RIMS1: variants seen among roughly 807,000 people sequenced by gnomAD.
RIMS1 encodes regulating synaptic membrane exocytosis 1.
A neutral mutation model predicts 214.1 loss-of-function variants in RIMS1; 83 were observed. The observed-to-expected ratio is 0.39, with a 90% CI of 0.32 to 0.47. The LOEUF (loss-of-function observed/expected upper bound fraction) is 0.47. Among genes scored for constraint, RIMS1 ranks in the 20% least tolerant of loss-of-function variants. The pLI, the probability that RIMS1 is intolerant of heterozygous loss-of-function variation, is 0.99. For synonymous variants in RIMS1, 793 were observed against 786.8 expected (o/e 1.01, Z -0.13); for missense variants, 2,050 against 2,161.8 (o/e 0.95, Z 1.03).
chr6:72,216,690 C>T (rs1285253840), intron 6 of RIMS1: 10 of 985,414 alleles, frequency 1.0e-5, no homozygotes, highest in Non-Finnish European at 1.1e-5. Context: ...CATCTTAATC[C>T]ATGGGTATCC....
At chr6:72,381,325 T>A (rs1026395861) in intron 29 of RIMS1, among the ~76,000 whole-genome samples, 8 of 152,322 alleles carry the variant, frequency 5.3e-5, no homozygotes, top group Middle Eastern at 3.4e-3. Flanking sequence ...AAAGGCCTTT[T>A]CTACAACTAC....
intron 4 of RIMS1, among the ~76,000 whole-genome samples, chr6:72,154,798 C>G (rs1183520990): frequency 7.1e-6 from 1 of 140,580 alleles, no homozygotes. Flanking sequence ...ACTATTTATC[C>G]CATGGGGAAA....
intron 28 of RIMS1, among the ~76,000 whole-genome samples, chr6:72,317,778 G>T (rs1456117717): frequency 6.6e-6 from 1 of 152,024 alleles, no homozygotes; most frequent in Non-Finnish European, 1.5e-5. Flanking sequence ...ACACTGTTCC[G>T]AACTTCAATT....
chr6:72,237,853 C>A lies in RIMS1; in HGVS notation c.1888C>A (p.Arg630=). The A allele has an allele frequency of 6.2e-7, 1 of 1,613,264 alleles. No individual in the cohort carries two copies. Among genetic ancestry groups the A allele is most frequent in the Non-Finnish European group, 8.5e-7 (1 of 1,179,536 alleles). ...VVGGKMTDLG[R]LGAFITKVKK... ...TGGAGGAAAAATGACTGACTTAGGA[C>A]GACTTGGTGCTTTCATCACCAAAGT... Residue 630 remains arginine, a synonymous_variant, in exon 9 of 34, where the codon CGA becomes AGA. Coordinates refer to ENST00000521978, the MANE Select transcript of RIMS1 (RefSeq NM_014989.7).
At chr6:71,925,964 C>T (rs1781459704) in intron 1 of RIMS1, among the ~76,000 whole-genome samples, 1 of 152,158 alleles carries the variant, frequency 6.6e-6, no homozygotes, top group South Asian at 2.1e-4. Flanking sequence ...GATACATTTT[C>T]ATAAAGTGAA....
chr6:71,995,200 T>TGG (rs1803022225), intron 2 of RIMS1, among the ~76,000 whole-genome samples: 1 of 152,150 alleles, frequency 6.6e-6, no homozygotes, highest in African/African-American at 2.4e-5. Context: ...AAGCAGAACT[T>TGG]TAAAAGCTGA....
At chr6:71,899,863 C>T (rs148563460) in intron 1 of RIMS1, among the ~76,000 whole-genome samples, 3 of 152,166 alleles carry the variant, frequency 2.0e-5, no homozygotes, top group Admixed American at 6.6e-5. Flanking sequence ...AGAAAATCAT[C>T]AGAGGGCCAA....
At chr6:72,024,375 ATC>A (rs1815679497) in intron 2 of RIMS1, among the ~76,000 whole-genome samples, 1 of 152,164 alleles carries the variant, frequency 6.6e-6, no homozygotes, top group African/African-American at 2.4e-5. Context: ...TTTACACATC[ATC>A]TCTTAGTCTT....
chr6:72,143,433 G>A (rs2042320020), intron 4 of RIMS1, among the ~76,000 whole-genome samples: 1 of 152,042 alleles, frequency 6.6e-6, no homozygotes, highest in African/African-American at 2.4e-5. Flanking sequence ...CAAAATACTG[G>A]GTTCACAATG....
intron 28 of RIMS1, among the ~76,000 whole-genome samples, chr6:72,318,337 C>T (rs76359241): frequency 0.096 from 14,553 of 151,962 alleles, 813 homozygotes; most frequent in Non-Finnish European, 0.13. Flanking sequence ...CCCTCCATTA[C>T]ACTGGAAATT....
At chr6:72,177,931 AT>A (rs1344446408) in intron 4 of RIMS1, among the ~76,000 whole-genome samples, 2 of 152,256 alleles carry the variant, frequency 1.3e-5, no homozygotes, top group Non-Finnish European at 1.5e-5. Context: ...ATATACCCTT[AT>A]TTGGCTAGCA....
chr6:72,221,649 GA>G (rs1311744279), intron 6 of RIMS1, among the ~76,000 whole-genome samples: 9 of 151,960 alleles, frequency 5.9e-5, no homozygotes, highest in Non-Finnish European at 1.2e-4. Flanking sequence ...TTGAGTTTAG[GA>G]GGTGCTATTG....
intron 4 of RIMS1, among the ~76,000 whole-genome samples, chr6:72,111,762 G>GTC (rs2036137279): frequency 6.6e-6 from 1 of 152,094 alleles, no homozygotes; most frequent in Admixed American, 6.6e-5. Context: ...TCTGGGAGAG[G>GTC]TCTCTCTCTG....
At chr6:72,169,675 G>T (rs529330408) in intron 4 of RIMS1, among the ~76,000 whole-genome samples, 10 of 152,120 alleles carry the variant, frequency 6.6e-5, no homozygotes, top group Non-Finnish European at 2.9e-5. Context: ...AGGCTAAGGC[G>T]GGCAGATTGC....
intron 1 of RIMS1, among the ~76,000 whole-genome samples, chr6:71,913,653 TAAAGA>T (rs1006911933): frequency 6.6e-6 from 1 of 152,008 alleles, no homozygotes; most frequent in African/African-American, 2.4e-5. Context: ...GCAGGAAAAG[TAAAGA>T]AAAGAACACT....
At chr6:72,079,967 T>C (rs551498879) in intron 2 of RIMS1, among the ~76,000 whole-genome samples, 1 of 147,016 alleles carries the variant, frequency 6.8e-6, no homozygotes, top group East Asian at 2.0e-4. Context: ...CTGAGCACGG[T>C]GGCTCATTCC....
intron 29 of RIMS1, among the ~76,000 whole-genome samples, chr6:72,352,427 G>T (rs1341418295): frequency 6.6e-6 from 1 of 152,094 alleles, no homozygotes; most frequent in Non-Finnish European, 1.5e-5. Context: ...TAACTGATAG[G>T]CACAGTATTT....
chr6:72,054,923 G>A (rs1825755221), intron 2 of RIMS1, among the ~76,000 whole-genome samples: 1 of 152,090 alleles, frequency 6.6e-6, no homozygotes, highest in African/African-American at 2.4e-5. Flanking sequence ...AAGCTCTTTA[G>A]TTTAACTAGA....
intron 27 of RIMS1, 55 bp downstream of exon 27, chr6:72,307,425 G>A: frequency 8.8e-7 from 1 of 1,139,408 alleles, no homozygotes; most frequent in East Asian, 2.6e-5. Flanking sequence ...TGTAGTGTGT[G>A]TACCAGGCAG....
Sources: allele counts gnomAD v4.1 joint callset (sites outside exome capture counted in the v4.1 genomes callset), GRCh38; gene constraint gnomAD v4.1.1; transcripts MANE v1.5; gene names NCBI Gene and HGNC (gene_info 2026-07-23, HGNC 2026-07-21).